CEP350: variants seen among roughly 807,000 people sequenced by gnomAD.
CEP350 encodes centrosome-associated protein 350.
Under a neutral mutation model 331.8 loss-of-function variants are expected in CEP350, and 126 were observed. The ratio of observed to expected loss-of-function variants is 0.38; its 90% CI spans 0.33 to 0.44. CEP350 has a LOEUF of 0.44. Ranked by LOEUF, CEP350 falls within the 20% of genes least tolerant of loss-of-function variation. The pLI is 1.00. For missense variants in CEP350, 3,406 were observed against 3,634.6 expected (o/e 0.94, Z 1.62); for synonymous variants, 1,200 against 1,259.5 (o/e 0.95, Z 1.00).
chr1:180,079,167 G>A (rs1036332866), intron 29 of CEP350, among the ~76,000 whole-genome samples: 8 of 148,462 alleles, frequency 5.4e-5, no homozygotes, highest in Admixed American at 1.4e-4. Flanking sequence ...GTCCTTAATC[G>A]TGTACTTTAT....
At chr1:180,089,782 G>A (rs867858247) in intron 32 of CEP350, among the ~76,000 whole-genome samples, 2 of 152,078 alleles carry the variant, frequency 1.3e-5, no homozygotes, top group African/African-American at 2.4e-5. Flanking sequence ...AAGTGAAACC[G>A]TGAGGAAAGT....
intron 1 of CEP350, among the ~76,000 whole-genome samples, chr1:179,977,882 C>T (rs1195408977): frequency 4.0e-5 from 6 of 151,488 alleles, no homozygotes; most frequent in Admixed American, 2.6e-4. Context: ...TATCCTTATT[C>T]TGTAAGCTTT....
chr1:180,085,553 G>A (rs1468341812), intron 31 of CEP350: 1 of 152,190 alleles, frequency 6.6e-6, no homozygotes, highest in African/African-American at 2.4e-5. Context: ...TGCCAGCCCG[G>A]TGTTCCTAGA....
chr1:180,107,487 GGT>G (rs1382952578), intron 37 of CEP350, among the ~76,000 whole-genome samples: 4 of 152,148 alleles, frequency 2.6e-5, no homozygotes, highest in African/African-American at 9.7e-5. Flanking sequence ...TGGCCAACAT[GGT>G]GAAACCCCAT....
chr1:179,997,190 T>C lies in CEP350; in HGVS notation c.1018+15T>C. 6.3e-7 allele frequency: 1 copy of C among 1,594,300 alleles called. No individual in the cohort carries two copies. Among genetic ancestry groups the C allele is most frequent in the Non-Finnish European group, 8.5e-7 (1 of 1,171,016 alleles). The stretch of plus-strand genomic sequence containing the variant: ...AGCATATAAAGGTTTGTAATCAGTC[T>C]TTATATCTTCCTCTCCCTGCTTCTT... On this transcript the variant is annotated intron_variant, in intron 6 of 37. Transcript: ENST00000367607.
At chr1:179,958,159 C>T (rs767833121) in intron 1 of CEP350, among the ~76,000 whole-genome samples, 22 of 151,908 alleles carry the variant, frequency 1.4e-4, no homozygotes, top group Non-Finnish European at 2.8e-4. Context: ...TCAAAATGGG[C>T]CTTTTTTTTC....
intron 25 of CEP350, among the ~76,000 whole-genome samples, chr1:180,059,021 TCAC>T (rs1356142334): frequency 6.6e-6 from 1 of 152,208 alleles, no homozygotes; most frequent in Admixed American, 6.5e-5. Flanking sequence ...CTTACACCAT[TCAC>T]CATTTTAAAG....
chr1:180,004,677 A>G (rs1450679060), intron 7 of CEP350, among the ~76,000 whole-genome samples: 3 of 152,206 alleles, frequency 2.0e-5, no homozygotes, highest in African/African-American at 2.4e-5. Flanking sequence ...GCTAAATGCA[A>G]TATTTAATAC....
At chr1:180,054,611 A>G in intron 25 of CEP350, 109 bp downstream of exon 25, 1 of 754,756 alleles carries the variant, frequency 1.3e-6, no homozygotes, top group Non-Finnish European at 2.3e-6. Context: ...AATGAGATTT[A>G]GTTGATACTT....
At chr1:180,109,444 A>G (rs927333822) in intron 37 of CEP350, among the ~76,000 whole-genome samples, 1 of 151,834 alleles carries the variant, frequency 6.6e-6, no homozygotes, top group African/African-American at 2.4e-5. Flanking sequence ...TTAAAGATGA[A>G]ACTATGATCA....
chr1:180,097,681 C>T (rs572072649), intron 36 of CEP350, among the ~76,000 whole-genome samples: 1 of 152,150 alleles, frequency 6.6e-6, no homozygotes, highest in South Asian at 2.1e-4. Context: ...AATAAATGCC[C>T]ACTAATTTTA....
chr1:180,051,516 T>G (rs1657501151), intron 22 of CEP350, among the ~76,000 whole-genome samples: 1 of 151,998 alleles, frequency 6.6e-6, no homozygotes, highest in Admixed American at 6.6e-5. Flanking sequence ...TTACATAGAG[T>G]AGTTGTTCTG....
chr1:180,087,641 A>G lies in CEP350; in HGVS notation c.6349A>G (p.Thr2117Ala), dbSNP rs77136386. 1.3e-6 allele frequency: 2 copies of G among 1,563,262 alleles called. No individual in the cohort carries two copies. The highest frequency in any genetic ancestry group is 3.8e-5 in the Admixed American group (2 of 52,938). ...ELSQDLETSPTAKPQIKTLSS... is the reference protein window; with the variant it reads ...ELSQDLETSPAAKPQIKTLSS... ...TAGCCAAGATTTGGAAACATCACCAACAGCCAAGCCTCAGATTAAAACGCT... is the reference window on the plus strand; with the variant it reads ...TAGCCAAGATTTGGAAACATCACCAGCAGCCAAGCCTCAGATTAAAACGCT... Residue 2117 changes from threonine (T) to alanine (A), a missense_variant, in exon 32 of 38, where the codon ACA (threonine) becomes GCA (alanine). Physicochemically the swap from Thr to Ala is moderately conservative, Grantham distance 58. Coordinates refer to ENST00000367607, the MANE Select transcript of CEP350 (RefSeq NM_014810.5).
intron 19 of CEP350, among the ~76,000 whole-genome samples, chr1:180,042,380 A>G (rs1656827258): frequency 6.6e-6 from 1 of 152,196 alleles, no homozygotes; most frequent in Admixed American, 6.5e-5. Flanking sequence ...AGGATATCAC[A>G]ATTCATAATT....
At chr1:179,974,566 A>C (rs1425886878) in intron 1 of CEP350, among the ~76,000 whole-genome samples, 1 of 152,226 alleles carries the variant, frequency 6.6e-6, no homozygotes, top group African/African-American at 2.4e-5. Context: ...ATTATATTGT[A>C]TACTATTTGT....
intron 5 of CEP350, among the ~76,000 whole-genome samples, chr1:179,993,271 A>C (rs1653224713): frequency 6.6e-6 from 1 of 152,086 alleles, no homozygotes. Context: ...GAAGAAGAAT[A>C]ATCGAAGTTT....
At chr1:180,071,459 CAAA>C (rs35037785) in intron 27 of CEP350, among the ~76,000 whole-genome samples, 3 of 76,200 alleles carry the variant, frequency 3.9e-5, no homozygotes, top group East Asian at 3.5e-4. Context: ...AACTCCATCT[CAAA>C]AAAAAAAAAA....
At chr1:180,012,190 T>C (rs913481287) in intron 9 of CEP350, 115 bp downstream of exon 9, 3 of 1,013,506 alleles carry the variant, frequency 3.0e-6, no homozygotes, top group Non-Finnish European at 4.3e-6. Flanking sequence ...TAATTTTGAA[T>C]GTAGCTCAAA....
At chr1:180,095,391 ATTG>A in intron 34 of CEP350, 129 bp from the exon 35 acceptor site, 1 of 1,045,668 alleles carries the variant, frequency 9.6e-7, no homozygotes, top group Non-Finnish European at 1.3e-6. Context: ...TAGCCACCAT[ATTG>A]TTTTTTATTC....
Sources: allele counts gnomAD v4.1 joint callset (sites outside exome capture counted in the v4.1 genomes callset), GRCh38; gene constraint gnomAD v4.1.1; transcripts MANE v1.5; gene names NCBI Gene and HGNC (gene_info 2026-07-23, HGNC 2026-07-21).